PPP2R5D: variants seen among roughly 807,000 people sequenced by gnomAD.
PPP2R5D encodes serine/threonine-protein phosphatase 2A 56 kDa regulatory subunit delta isoform.
A neutral mutation model predicts 79.1 loss-of-function variants in PPP2R5D; 12 were observed. The ratio of observed to expected loss-of-function variants is 0.15; its 90% CI spans 0.10 to 0.25. PPP2R5D has a LOEUF of 0.25. Among genes scored for constraint, PPP2R5D ranks in the 10% least tolerant of loss-of-function variants. The pLI is 1.00. For synonymous variants in PPP2R5D, 277 were observed against 286.6 expected, an observed-to-expected ratio of 0.97 and a Z score of 0.34; for missense variants, 419 against 760.2, an observed-to-expected ratio of 0.55 and a Z score of 5.28.
In PPP2R5D at chr6:43,010,889, G is replaced by T. The variant is rs2150283609; in HGVS notation, c.1563G>T (p.Met521Ile). ...CATGTCTCCTCACTCAGTATCCCAT[G>T]TTCCGAGCCCCTCCACCACTGCCCC... Reference protein sequence around the residue: ...ELARLNPQYPMFRAPPPLPPV... With the variant: ...ELARLNPQYPIFRAPPPLPPV... The change falls in exon 15 of 16, where the codon ATG becomes ATT. Residue 521 changes from methionine to isoleucine, a missense_variant. Coordinates refer to ENST00000485511, the MANE Select transcript of PPP2R5D (RefSeq NM_006245.4). This position sits in a 1 kb window ranked among gnomAD's most constrained non-coding sequence, Gnocchi z 4.7. 6.2e-7 allele frequency: 1 copy of T among 1,613,452 alleles called. No homozygotes were observed. Among genetic ancestry groups the T allele is most frequent in the Admixed American group, 1.7e-5 (1 of 59,950 alleles).
At chr6:42,998,949 CG>C (rs1771985522) in intron 2 of PPP2R5D, among the ~76,000 whole-genome samples, 1 of 152,180 alleles carries the variant, frequency 6.6e-6, no homozygotes, top group African/African-American at 2.4e-5. Flanking sequence ...GCAGGCGAAT[CG>C]TTTGAGCCTG....
chr6:43,002,020 TC>T, intron 2 of PPP2R5D, among the ~76,000 whole-genome samples: 1 of 152,040 alleles, frequency 6.6e-6, no homozygotes, highest in Non-Finnish European at 1.5e-5. Context: ...ATGGTTGTCA[TC>T]CCATTTTGTA....
intron 2 of PPP2R5D, among the ~76,000 whole-genome samples, chr6:42,998,015 TTATA>T (rs1561843629): frequency 0.048 from 1,542 of 31,932 alleles, 34 homozygotes; most frequent in Non-Finnish European, 0.055. Context: ...TGGGTTTTAT[TTATA>T]TATATATATA....
Position 43,006,066 on chromosome 6 carries a change from C to T in PPP2R5D, c.106-397C>T, listed in dbSNP as rs538000299. Among the ~76,000 whole-genome samples, 2 of 152,312 alleles carry T rather than the reference C, an allele frequency of 1.3e-5. No individual in the cohort carries two copies. Among genetic ancestry groups the T allele is most frequent in the Admixed American group, 1.3e-4 (2 of 15,292 alleles). ...GATGTTTACATTACTCAGAAGGCTCCTCATGTCTCTTCTTATTCCTCATGT... is the reference window on the plus strand; with the variant it reads ...GATGTTTACATTACTCAGAAGGCTCTTCATGTCTCTTCTTATTCCTCATGT... On this transcript the variant is annotated intron_variant, in intron 2 of 15. Coordinates refer to ENST00000485511, the MANE Select transcript of PPP2R5D (RefSeq NM_006245.4). The surrounding 1 kb of genome is among the most constrained non-coding windows in gnomAD (Gnocchi z 4.7).
At chr6:42,988,524 T>A (rs1459191698) in intron 1 of PPP2R5D, among the ~76,000 whole-genome samples, 1 of 152,234 alleles carries the variant, frequency 6.6e-6, no homozygotes, top group Non-Finnish European at 1.5e-5. Context: ...CCAAGTTGCA[T>A]CTTCATTTGT....
rs1762133947 is a variant in PPP2R5D at position 43,007,231 on chromosome 6, A to G, written c.558A>G (p.Ser186=). 6.2e-7 allele frequency: 1 copy of G among 1,614,040 alleles called. No homozygotes were observed. Among genetic ancestry groups the G allele is most frequent in the African/African-American group, 1.3e-5 (1 of 74,980 alleles). The change falls in exon 5 of 16, where the codon TCA becomes TCG. Residue 186 remains serine, a synonymous_variant. Coordinates refer to ENST00000485511, the MANE Select transcript of PPP2R5D (RefSeq NM_006245.4). This position sits in a 1 kb window ranked among gnomAD's most constrained non-coding sequence, Gnocchi z 4.5. ...ACCTCTTCCGGACGCTGCCACCTTC[A>G]TCGAATCCCACAGGGGCTGAGTTTG... is the stretch of plus-strand genomic sequence containing the variant. ...SVNLFRTLPP[S]SNPTGAEFDP... is the part of the protein sequence containing the mutation.
In PPP2R5D at chr6:43,009,501, G is replaced by T; in HGVS notation, c.1379+52G>T. 1 of 1,611,296 alleles carries T rather than the reference G, an allele frequency of 6.2e-7. No individual in the cohort carries two copies. Among genetic ancestry groups the T allele is most frequent in the South Asian group, 1.1e-5 (1 of 90,980 alleles). On this transcript the variant is annotated intron_variant, in intron 12 of 15. Coordinates refer to ENST00000485511, the MANE Select transcript of PPP2R5D (RefSeq NM_006245.4). The surrounding 1 kb of genome is among the most constrained non-coding windows in gnomAD (Gnocchi z 5.6). The stretch of plus-strand genomic sequence containing the variant: ...GTGGGGATCCAGTTTGGGAAACTTT[G>T]AGGGTATGGAAGAACTAAAGAGCCA...
At position 43,008,519 on chromosome 6, in the gene PPP2R5D, G is replaced by T; in HGVS notation, c.1026+44G>T. On this transcript the variant is annotated intron_variant, in intron 9 of 15. Coordinates refer to ENST00000485511, the MANE Select transcript of PPP2R5D (RefSeq NM_006245.4). This position sits in a 1 kb window ranked among gnomAD's most constrained non-coding sequence, Gnocchi z 4.2. ...TATAATGTCCAACTCAGGCAGCAGAGAAAAGAGCCGGCAGGAAAGTGTTCC... is the reference window on the plus strand; with the variant it reads ...TATAATGTCCAACTCAGGCAGCAGATAAAAGAGCCGGCAGGAAAGTGTTCC... The T allele has an allele frequency of 6.4e-7, 1 of 1,556,116 alleles. No individual in the cohort carries two copies. Among genetic ancestry groups the T allele is most frequent in the South Asian group, 1.1e-5 (1 of 89,722 alleles).
chr6:43,011,073 A>G (rs1774785239), intron 15 of PPP2R5D, 76 bp downstream of exon 15: 1 of 1,611,078 alleles, frequency 6.2e-7, no homozygotes, highest in African/African-American at 1.3e-5. Context: ...AGCAGAGCCA[A>G]AGAATAAGGG....
rs528117070 is a variant in PPP2R5D, at chr6:43,010,185, G to A, written c.1380-283G>A. Reference sequence around the variant, plus strand: ...CCATCATGCTGCTGGGAGGCCATTAGTGTGGGTTAGAGTGGGAAAGGATGG... The same window carrying A: ...CCATCATGCTGCTGGGAGGCCATTAATGTGGGTTAGAGTGGGAAAGGATGG... On this transcript the variant is annotated intron_variant, in intron 12 of 15. Coordinates refer to ENST00000485511, the MANE Select transcript of PPP2R5D (RefSeq NM_006245.4). The surrounding 1 kb of genome is among the most constrained non-coding windows in gnomAD (Gnocchi z 4.7). Among the ~76,000 whole-genome samples the A allele has an allele frequency of 2.0e-5, 3 of 152,370 alleles. No homozygotes were observed. The South Asian group carries it at 6.2e-4, about 32-fold the overall frequency.
intron 2 of PPP2R5D, among the ~76,000 whole-genome samples, chr6:43,002,087 G>A (rs1772259525): frequency 6.6e-6 from 1 of 152,018 alleles, no homozygotes; most frequent in Admixed American, 6.6e-5. Context: ...TAAGTGGCGA[G>A]CCAGGATTGA....
Position 43,008,852 on chromosome 6 carries a change from C to A in PPP2R5D, c.1080+106C>A. 1 of 1,358,502 alleles carries A rather than the reference C, an allele frequency of 7.4e-7. No homozygotes were observed. Among genetic ancestry groups the A allele is most frequent in the Non-Finnish European group, 1.0e-6 (1 of 970,204 alleles). The allele number at this position is 1,358,502 out of a possible 1,614,324, so 84.2% of individuals were successfully genotyped here. On this transcript the variant is annotated intron_variant, in intron 10 of 15. Coordinates refer to ENST00000485511, the MANE Select transcript of PPP2R5D (RefSeq NM_006245.4). The surrounding 1 kb of genome is among the most constrained non-coding windows in gnomAD (Gnocchi z 4.2). The stretch of plus-strand genomic sequence containing the variant: ...AGGGGGAACTCAGGAGGGCTGTGAC[C>A]TGACCGGTAACATGGTTTCCTCTCT...
At position 43,011,382 on chromosome 6, in the gene PPP2R5D, A is replaced by G. The variant is rs1762346009; in HGVS notation, c.*96A>G. 4 of 1,507,868 alleles carry G rather than the reference A, an allele frequency of 2.7e-6. No individual in the cohort carries two copies. The East Asian group carries it at 9.3e-5, about 35-fold the overall frequency. 93.4% of individuals were successfully genotyped at this position (1,507,868 alleles called of 1,614,324 possible). A position where few individuals can be genotyped will look rare whatever the true frequency, so the allele number is the denominator to read the frequency against. ...GCTCCCTACTGGCTGTCTTGGGGGAAGGCAGCGCCTCTCTAGCTACTCAAG... is the reference window on the plus strand; with the variant it reads ...GCTCCCTACTGGCTGTCTTGGGGGAGGGCAGCGCCTCTCTAGCTACTCAAG... On this transcript the variant is annotated 3_prime_UTR_variant, in exon 16 of 16. Coordinates refer to ENST00000485511, the MANE Select transcript of PPP2R5D (RefSeq NM_006245.4).
chr6:42,999,177 TTC>T (rs1438982808), intron 2 of PPP2R5D, among the ~76,000 whole-genome samples: 1 of 152,214 alleles, frequency 6.6e-6, no homozygotes, highest in African/African-American at 2.4e-5. Context: ...CTCACTTGCC[TTC>T]TACCCCCAAC....
chr6:42,998,361 C>T (rs73434550), intron 2 of PPP2R5D, among the ~76,000 whole-genome samples: 22,400 of 151,798 alleles, frequency 0.15, 2,678 homozygotes, highest in African/African-American at 0.34. Context: ...GCATGAGCCA[C>T]TGTGCCCAGC....
rs554556246 is a variant in PPP2R5D at position 43,011,310 on chromosome 6, C to G, written c.*24C>G. On this transcript the variant is annotated 3_prime_UTR_variant, in exon 16 of 16. Transcript: ENST00000485511. ...GACCCCTCACGTTCCTACCACAGGG[C>G]CACAGCCCACACAGCCCTGGGACAC... The G allele has an allele frequency of 6.2e-7, 1 of 1,613,018 alleles. No homozygotes were observed. The highest frequency in any genetic ancestry group is 1.3e-5 in the African/African-American group (1 of 75,008).
intron 2 of PPP2R5D, among the ~76,000 whole-genome samples, chr6:42,998,055 ATAT>A (rs1561844061): frequency 6.3e-5 from 1 of 15,848 alleles, no homozygotes; most frequent in African/African-American, 1.9e-4. Flanking sequence ...ATATATATAT[ATAT>A]TTTTTTTTTT....
Position 43,009,789 on chromosome 6 carries a change from G to A in PPP2R5D, c.1379+340G>A, listed in dbSNP as rs368890758. Among the ~76,000 whole-genome samples the A allele has an allele frequency of 3.0e-4, 45 of 152,252 alleles. 1 individual carries two copies. The highest frequency in any genetic ancestry group is 1.0e-3 in the African/African-American group (43 of 41,544). The stretch of plus-strand genomic sequence containing the variant: ...GTAAAGAATCCCAGGGTTTTAGGCC[G>A]GGCACGGTGTCTCACGCCTGTAATC... On this transcript the variant is annotated intron_variant, in intron 12 of 15. Transcript: ENST00000485511. The surrounding 1 kb of genome is among the most constrained non-coding windows in gnomAD (Gnocchi z 5.6).
At position 43,008,485 on chromosome 6, in the gene PPP2R5D, C is replaced by A; in HGVS notation, c.1026+10C>A. On this transcript the variant is annotated intron_variant, in intron 9 of 15. Coordinates refer to ENST00000485511, the MANE Select transcript of PPP2R5D (RefSeq NM_006245.4). This position sits in a 1 kb window ranked among gnomAD's most constrained non-coding sequence, Gnocchi z 4.2. ...TGTCTACCACCCTCAGGTGAGCTGC[C>A]TTCCTCCTTATAATGTCCAACTCAG... 1 of 1,597,204 alleles carries A rather than the reference C, an allele frequency of 6.3e-7. No individual in the cohort carries two copies. Among genetic ancestry groups the A allele is most frequent in the East Asian group, 2.2e-5 (1 of 44,802 alleles).
Sources: gnomAD v4.1 joint callset for allele counts (sites outside exome capture counted in the v4.1 genomes callset) on GRCh38, gnomAD v4.1.1 for gene constraint, Gnocchi (gnomAD v3.1) non-coding constraint, MANE v1.5 for transcripts, NCBI Gene and HGNC (gene_info 2026-07-23, HGNC 2026-07-21) for gene names.